DAB1: variants seen among roughly 807,000 people sequenced by gnomAD.
DAB1 encodes the protein disabled homolog 1.
A neutral mutation model predicts 64.6 loss-of-function variants in DAB1; 15 were observed. The ratio of observed to expected loss-of-function variants is 0.23; its 90% CI spans 0.16 to 0.36. DAB1 has a LOEUF of 0.36. Among genes scored for constraint, DAB1 ranks in the 10% least tolerant of loss-of-function variants. DAB1 has a pLI of 1.00. For missense variants in DAB1, 596 were observed against 706.7 expected, an observed-to-expected ratio of 0.84 and a Z score of 1.78; for synonymous variants, 235 against 251.9, an observed-to-expected ratio of 0.93 and a Z score of 0.64.
At chr1:57,128,288 T>C (rs1657339305) in intron 4 of DAB1, among the ~76,000 whole-genome samples, 1 of 151,956 alleles carries the variant, frequency 6.6e-6, no homozygotes, top group South Asian at 2.1e-4. Context: ...AAAAGAGCAG[T>C]GAACAAAGGA....
chr1:57,835,269 T>C (rs1193459915), intron 1 of DAB1, among the ~76,000 whole-genome samples: 1 of 152,138 alleles, frequency 6.6e-6, no homozygotes, highest in African/African-American at 2.4e-5. Context: ...TTCTGAGAGC[T>C]TGTTATAAGC....
At chr1:58,389,220 C>T (rs530913560) in intron 3 of DAB1, among the ~76,000 whole-genome samples, 21 of 152,124 alleles carry the variant, frequency 1.4e-4, no homozygotes, top group Non-Finnish European at 3.1e-4. Context: ...GGAGGACTGC[C>T]GGAGCCTAGT....
chr1:57,600,800 T>C (rs573624420), intron 7 of DAB1, among the ~76,000 whole-genome samples: 3 of 152,322 alleles, frequency 2.0e-5, no homozygotes, highest in South Asian at 4.1e-4. Context: ...AGCTCTGGCA[T>C]TCAAGTATAA....
chr1:57,653,677 A>T (rs1646282665), intron 6 of DAB1, among the ~76,000 whole-genome samples: 1 of 152,038 alleles, frequency 6.6e-6, no homozygotes, highest in Non-Finnish European at 1.5e-5. Context: ...AAGTGGCACT[A>T]TCTCTGCTCA....
intron 7 of DAB1, among the ~76,000 whole-genome samples, chr1:57,070,030 A>C (rs1427637122): frequency 6.6e-6 from 1 of 152,220 alleles, no homozygotes; most frequent in East Asian, 1.9e-4. Context: ...TGAAGCTCAT[A>C]TTATATACAA....
intron 6 of DAB1, among the ~76,000 whole-genome samples, chr1:57,771,834 G>A (rs371219805): frequency 6.6e-6 from 1 of 152,026 alleles, no homozygotes; most frequent in Non-Finnish European, 1.5e-5. Context: ...TTATATACAT[G>A]TAATGATTAT....
At chr1:57,351,368 A>G (rs1211347000) in intron 1 of DAB1, among the ~76,000 whole-genome samples, 2 of 152,282 alleles carry the variant, frequency 1.3e-5, no homozygotes, top group East Asian at 3.9e-4. Context: ...TATGAAGGAA[A>G]GGCATGTCTT....
chr1:58,239,981 G>C (rs1273193926), intron 4 of DAB1, among the ~76,000 whole-genome samples: 1 of 152,152 alleles, frequency 6.6e-6, no homozygotes, highest in Non-Finnish European at 1.5e-5. Context: ...ATGTAAAGTT[G>C]TCTTTGCTGA....
rs143126042 is a variant in DAB1 at position 57,237,136 on chromosome 1, G to A, written c.67+53828C>T. Reference sequence around the variant, plus strand: ...CCACTCTTTGAAGACGAGAGAGATTGTTTCATTTAGGAGTAATTCTGACAT... The same window carrying A: ...CCACTCTTTGAAGACGAGAGAGATTATTTCATTTAGGAGTAATTCTGACAT... On this transcript the variant is annotated intron_variant, in intron 2 of 14. Transcript: ENST00000371236. Among the ~76,000 whole-genome samples, 834 of 152,254 alleles carry A rather than the reference G, an allele frequency of 5.5e-3. 14 individuals are homozygous for A. The highest frequency in any genetic ancestry group is 0.018 in the African/African-American group (732 of 41,554).
At chr1:57,599,875 G>A (rs528043232) in intron 7 of DAB1, among the ~76,000 whole-genome samples, 2 of 152,286 alleles carry the variant, frequency 1.3e-5, no homozygotes, top group East Asian at 3.9e-4. Context: ...CCGCTCTCCA[G>A]CTTTGCAAAG....
intron 4 of DAB1, among the ~76,000 whole-genome samples, chr1:58,291,141 G>A (rs970690923): frequency 2.4e-4 from 36 of 152,354 alleles, no homozygotes; most frequent in African/African-American, 8.2e-4. Flanking sequence ...TCGTAATACA[G>A]ATGCTGTAAT....
chr1:57,333,724 G>A (rs1319989036), intron 1 of DAB1, among the ~76,000 whole-genome samples: 1 of 152,228 alleles, frequency 6.6e-6, no homozygotes, highest in Non-Finnish European at 1.5e-5. Flanking sequence ...TAGAGTTGCT[G>A]TGAGGATAAA....
chr1:57,239,795 C>G (rs886569120), intron 2 of DAB1, among the ~76,000 whole-genome samples: 2 of 152,154 alleles, frequency 1.3e-5, no homozygotes, highest in Admixed American at 6.5e-5. Context: ...GATAAATTCT[C>G]TCTTTTCTGA....
At chr1:57,603,275 C>T (rs971425950) in intron 7 of DAB1, among the ~76,000 whole-genome samples, 2 of 152,162 alleles carry the variant, frequency 1.3e-5, no homozygotes, top group African/African-American at 4.8e-5. Context: ...CATTTCTGTA[C>T]CCTGTAGGTG....
chr1:57,961,735 G>A (rs1018145890), intron 5 of DAB1, among the ~76,000 whole-genome samples: 2 of 152,136 alleles, frequency 1.3e-5, no homozygotes, highest in Admixed American at 6.6e-5. Context: ...GTGGGAGGCT[G>A]AGGCAGGCGG....
chr1:57,969,940 CT>C lies in DAB1; in HGVS notation n.388-85779del, dbSNP rs147956412. Among the ~76,000 whole-genome samples the C allele has an allele frequency of 9.1e-3, 1,380 of 152,114 alleles. 40 individuals carry two copies. The highest frequency in any genetic ancestry group is 0.081 in the East Asian group (417 of 5,156). On this transcript the variant is annotated intron_variant and non_coding_transcript_variant, in intron 5 of 20. Coordinates refer to the DAB1 transcript ENST00000485760. ...ATGTAATGGTATTAAGAGGTGGGGCCTTTAGTAAGTGATTAGGTCTTAGAGG... is the reference window on the plus strand; with the variant it reads ...ATGTAATGGTATTAAGAGGTGGGGCCTTAGTAAGTGATTAGGTCTTAGAGG...
At chr1:57,426,375 T>C (rs906558739), upstream of DAB1, among the ~76,000 whole-genome samples, 1 of 152,220 alleles carries the variant, frequency 6.6e-6, no homozygotes, top group African/African-American at 2.4e-5. Context: ...AATCCGGGCA[T>C]AACATGTAGA....
chr1:58,374,137 C>A (rs1644299847), intron 3 of DAB1, among the ~76,000 whole-genome samples: 1 of 101,966 alleles, frequency 9.8e-6, no homozygotes, highest in Non-Finnish European at 2.1e-5. Flanking sequence ...GTTGCCTGTT[C>A]ACTCTGATGG....
intron 2 of DAB1, among the ~76,000 whole-genome samples, chr1:57,262,563 C>T (rs901443469): frequency 9.9e-5 from 15 of 152,164 alleles, no homozygotes; most frequent in Non-Finnish European, 2.2e-4. Context: ...CTGACAAGTC[C>T]CCAAAGTCAG....
Sources: gnomAD v4.1 joint callset for allele counts (sites outside exome capture counted in the v4.1 genomes callset) on GRCh38, gnomAD v4.1.1 for gene constraint, MANE v1.5 for transcripts, NCBI Gene and HGNC (gene_info 2026-07-23, HGNC 2026-07-21) for gene names.